The following INPP4B variants were observed in gnomAD, a reference collection of about 807,000 sequenced individuals.
INPP4B encodes the protein inositol polyphosphate 4-phosphatase type II.
Under a neutral mutation model 122.5 loss-of-function variants are expected in INPP4B, and 55 were observed. That is an observed-to-expected ratio of 0.45 (90% CI 0.36 to 0.56). The LOEUF (loss-of-function observed/expected upper bound fraction) is 0.56, where lower values mean the gene tolerates loss of function less well. INPP4B is among the 20% of genes least tolerant of loss of function. The probability of loss-of-function intolerance (pLI) is 0.00; values close to 1 mark genes in which losing one functional copy is unlikely to be tolerated. For synonymous variants in INPP4B, 403 were observed against 388.7 expected (o/e 1.04, Z -0.43); for missense variants, 1,000 against 1,097.7 (o/e 0.91, Z 1.26).
intron 2 of INPP4B, chr4:142,474,230 CAGA>C (rs1819432381): frequency 6.6e-6 from 1 of 152,092 alleles, no homozygotes. Context: ...CCATACCTGC[CAGA>C]GCTTCCAGTC....
In INPP4B at chr4:142,072,131, T is replaced by G. The variant is rs186366459; in HGVS notation, c.2642+9900A>C. On this transcript the variant is annotated intron_variant, in intron 25 of 25. Coordinates refer to ENST00000262992, the MANE Select transcript of INPP4B (RefSeq NM_001101669.3). Reference sequence around the variant, plus strand: ...GACTGGATTAAGAAAATGTGGCACATATACACCATGGAATACTATGCAGCC... The same window carrying G: ...GACTGGATTAAGAAAATGTGGCACAGATACACCATGGAATACTATGCAGCC... Among the ~76,000 whole-genome samples the G allele has an allele frequency of 7.6e-3, 1,156 of 152,276 alleles. 11 individuals carry two copies. The highest frequency in any genetic ancestry group is 0.013 in the Non-Finnish European group (858 of 68,026).
chr4:142,707,947 A>T (rs1762654871), intron 2 of INPP4B, among the ~76,000 whole-genome samples: 1 of 152,236 alleles, frequency 6.6e-6, no homozygotes, highest in African/African-American at 2.4e-5. Flanking sequence ...CAAAATGCTG[A>T]TAGTGATACG....
At chr4:142,294,805 G>A (rs529532118) in intron 9 of INPP4B, among the ~76,000 whole-genome samples, 4 of 113,220 alleles carry the variant, frequency 3.5e-5, no homozygotes, top group African/African-American at 1.2e-4. Flanking sequence ...ACTCCAGCCC[G>A]GGCGACAGAG....
intron 11 of INPP4B, among the ~76,000 whole-genome samples, chr4:142,244,878 T>C (rs1727122393): frequency 6.6e-6 from 1 of 152,144 alleles, no homozygotes; most frequent in Non-Finnish European, 1.5e-5. Context: ...CTCCACATCC[T>C]CTCCAGCATC....
chr4:142,489,492 C>A (rs1821597606), intron 2 of INPP4B, among the ~76,000 whole-genome samples: 1 of 152,148 alleles, frequency 6.6e-6, no homozygotes. Flanking sequence ...CTCCTGGGTT[C>A]AGGCAATTCT....
At chr4:142,445,276 C>A (rs920454690) in intron 3 of INPP4B, among the ~76,000 whole-genome samples, 1 of 151,898 alleles carries the variant, frequency 6.6e-6, no homozygotes, top group African/African-American at 2.4e-5. Flanking sequence ...TAGACTGTGA[C>A]AATTCAAGCA....
At chr4:142,611,912 A>G (rs1396733096) in intron 2 of INPP4B, among the ~76,000 whole-genome samples, 2 of 152,062 alleles carry the variant, frequency 1.3e-5, no homozygotes, top group Non-Finnish European at 2.9e-5. Flanking sequence ...CAGGTGATCC[A>G]CCAGCCTCAG....
intron 9 of INPP4B, among the ~76,000 whole-genome samples, chr4:142,290,676 T>A (rs902083141): frequency 6.6e-6 from 1 of 152,180 alleles, no homozygotes; most frequent in African/African-American, 2.4e-5. Context: ...TCCCAACTGA[T>A]GTCTACATGG....
chr4:142,156,480 A>C (rs536917817), intron 17 of INPP4B, among the ~76,000 whole-genome samples: 3 of 152,264 alleles, frequency 2.0e-5, no homozygotes, highest in African/African-American at 7.2e-5. Context: ...TTAACTGGCT[A>C]AAAGAGAATG....
At chr4:142,546,761 A>G (rs1829691001) in intron 2 of INPP4B, among the ~76,000 whole-genome samples, 1 of 152,158 alleles carries the variant, frequency 6.6e-6, no homozygotes, top group African/African-American at 2.4e-5. Context: ...ACATTAACGC[A>G]ACTTGGACAA....
chr4:142,248,158 G>A (rs1203042747), intron 11 of INPP4B, among the ~76,000 whole-genome samples: 1 of 151,970 alleles, frequency 6.6e-6, no homozygotes, highest in Non-Finnish European at 1.5e-5. Flanking sequence ...CCAAGATCAG[G>A]TTAGCTCTGT....
intron 2 of INPP4B, among the ~76,000 whole-genome samples, chr4:142,509,935 C>A (rs1023555647): frequency 6.6e-6 from 1 of 152,032 alleles, no homozygotes; most frequent in Non-Finnish European, 1.5e-5. Flanking sequence ...AAATGGGAAA[C>A]CTAAGAATTT....
At chr4:142,243,897 TTTA>T (rs5862580) in intron 11 of INPP4B, among the ~76,000 whole-genome samples, 26 of 148,940 alleles carry the variant, frequency 1.7e-4, no homozygotes, top group East Asian at 9.9e-4. Context: ...TAGAACAAAC[TTTA>T]TTATTATTAT....
intron 3 of INPP4B, among the ~76,000 whole-genome samples, chr4:142,456,711 A>G (rs888348253): frequency 2.0e-5 from 3 of 152,168 alleles, no homozygotes; most frequent in Admixed American, 2.0e-4. Flanking sequence ...ATTTAAATAG[A>G]GATACTGCGC....
intron 2 of INPP4B, among the ~76,000 whole-genome samples, chr4:142,472,324 G>GAA (rs35559477): frequency 1.4e-5 from 2 of 140,910 alleles, no homozygotes; most frequent in African/African-American, 2.6e-5. Flanking sequence ...ATCATTGTAG[G>GAA]AAAAAAAAAA....
chr4:142,792,881 A>G (rs1292053918), intron 1 of INPP4B, among the ~76,000 whole-genome samples: 4 of 152,110 alleles, frequency 2.6e-5, no homozygotes, highest in Non-Finnish European at 5.9e-5. Flanking sequence ...AAAAATTATC[A>G]AAAGTAGATC....
chr4:142,810,785 A>G (rs1779413834), intron 1 of INPP4B, among the ~76,000 whole-genome samples: 1 of 152,158 alleles, frequency 6.6e-6, no homozygotes, highest in Non-Finnish European at 1.5e-5. Flanking sequence ...TCACTAAAGA[A>G]ATTTTCCAGG....
chr4:142,765,890 T>C (rs986105489), intron 1 of INPP4B: 2 of 152,078 alleles, frequency 1.3e-5, no homozygotes, highest in African/African-American at 4.8e-5. Context: ...CAATGTATCA[T>C]TATTTTCCAG....
intron 1 of INPP4B, among the ~76,000 whole-genome samples, chr4:142,785,982 A>G (rs1203015902): frequency 6.6e-6 from 1 of 152,174 alleles, no homozygotes; most frequent in Non-Finnish European, 1.5e-5. Context: ...CCAACTTTTC[A>G]TCTGAAATCA....
Sources: gnomAD v4.1 joint callset for allele counts (sites outside exome capture counted in the v4.1 genomes callset) on GRCh38, gnomAD v4.1.1 for gene constraint, MANE v1.5 for transcripts, NCBI Gene and HGNC (gene_info 2026-07-23, HGNC 2026-07-21) for gene names.